MALRD1: variants seen among roughly 807,000 people sequenced by gnomAD.
MALRD1 encodes MAM and LDL receptor class A domain containing 1, also known as MAM and LDL-receptor class A domain-containing protein 1.
MALRD1 carries 247 observed loss-of-function variants against 242.1 expected under a neutral mutation model. That is an observed-to-expected ratio of 1.02 (90% CI 0.92 to 1.13). The LOEUF is 1.13. Among genes scored for constraint, MALRD1 ranks in the 50% most tolerant of loss-of-function variants. MALRD1 has a pLI of 0.00. For synonymous variants in MALRD1, 995 were observed against 866.6 expected (o/e 1.15, Z -2.60); for missense variants, 2,989 against 2,533.1 (o/e 1.18, Z -3.86).
intron 20 of MALRD1, 78 bp from the exon 21 acceptor site, chr10:19,282,941 A>C: frequency 9.9e-7 from 1 of 1,014,750 alleles, no homozygotes; most frequent in Non-Finnish European, 1.3e-6. Context: ...AACAAGAGTA[A>C]GAAAGTGCTG....
intron 28 of MALRD1, among the ~76,000 whole-genome samples, chr10:19,400,260 G>A (rs1846774429): frequency 6.6e-6 from 1 of 152,130 alleles, no homozygotes; most frequent in South Asian, 2.1e-4. Flanking sequence ...TCCTCATTCT[G>A]AAGTCGTCCT....
chr10:19,626,246 A>C (rs528909896), intron 36 of MALRD1, among the ~76,000 whole-genome samples: 1 of 151,932 alleles, frequency 6.6e-6, no homozygotes, highest in East Asian at 1.9e-4. Flanking sequence ...AAAAAATTTC[A>C]ATATTTTTTC....
intron 32 of MALRD1, among the ~76,000 whole-genome samples, chr10:19,562,704 C>T (rs2131445156): frequency 6.6e-6 from 1 of 152,244 alleles, no homozygotes; most frequent in South Asian, 2.1e-4. Flanking sequence ...CCAGTTTGCA[C>T]AGCAGAAGGT....
At chr10:19,710,029 G>A (rs1237964914) in intron 38 of MALRD1, among the ~76,000 whole-genome samples, 2 of 152,134 alleles carry the variant, frequency 1.3e-5, no homozygotes, top group African/African-American at 2.4e-5. Context: ...GAGCCCAGGA[G>A]TTGGAGACTA....
chr10:19,431,486 T>C (rs1589062436), intron 28 of MALRD1, among the ~76,000 whole-genome samples: 1 of 152,236 alleles, frequency 6.6e-6, no homozygotes, highest in Non-Finnish European at 1.5e-5. Context: ...GTATAGACTT[T>C]TATGAGTAGT....
At chr10:19,367,965 T>G (rs1845178571) in intron 26 of MALRD1, among the ~76,000 whole-genome samples, 1 of 152,064 alleles carries the variant, frequency 6.6e-6, no homozygotes, top group Non-Finnish European at 1.5e-5. Flanking sequence ...ATTATTATTA[T>G]TTTGCTGTTG....
chr10:19,704,568 T>C (rs535903647), intron 38 of MALRD1, among the ~76,000 whole-genome samples: 94 of 152,244 alleles, frequency 6.2e-4, no homozygotes, highest in African/African-American at 2.1e-3. Flanking sequence ...AATGTTCAGT[T>C]CATCACAGTA....
At chr10:19,166,818 A>C (rs922680952) in intron 13 of MALRD1, among the ~76,000 whole-genome samples, 5 of 152,140 alleles carry the variant, frequency 3.3e-5, no homozygotes, top group African/African-American at 1.2e-4. Flanking sequence ...GAAAAGAGCT[A>C]TTTTGGAAAC....
chr10:19,571,077 A>T (rs1836512058), intron 33 of MALRD1, among the ~76,000 whole-genome samples: 1 of 152,118 alleles, frequency 6.6e-6, no homozygotes, highest in Non-Finnish European at 1.5e-5. Flanking sequence ...TTTTTCCAAT[A>T]GTTATTCCTG....
intron 24 of MALRD1, among the ~76,000 whole-genome samples, chr10:19,335,590 A>C (rs1843570209): frequency 6.6e-6 from 1 of 152,138 alleles, no homozygotes; most frequent in Non-Finnish European, 1.5e-5. Flanking sequence ...TGATTTCAAA[A>C]GTTTGGCTGG....
chr10:19,380,775 C>A (rs1845801958), intron 26 of MALRD1, among the ~76,000 whole-genome samples: 2 of 152,080 alleles, frequency 1.3e-5, no homozygotes, highest in Admixed American at 6.6e-5. Flanking sequence ...AAAAATTTGG[C>A]ATTATTGTTG....
At chr10:19,406,312 G>A (rs187867404) in intron 28 of MALRD1, among the ~76,000 whole-genome samples, 1 of 152,308 alleles carries the variant, frequency 6.6e-6, no homozygotes, top group East Asian at 1.9e-4. Flanking sequence ...ATTAGTATCT[G>A]TATCATCTAA....
intron 38 of MALRD1, among the ~76,000 whole-genome samples, chr10:19,696,065 G>C (rs768074175): frequency 2.0e-4 from 31 of 152,260 alleles, no homozygotes; most frequent in Admixed American, 5.2e-4. Context: ...GGCAGGACTC[G>C]TGGCACTAAT....
intron 21 of MALRD1, among the ~76,000 whole-genome samples, chr10:19,283,560 C>A (rs1307261683): frequency 1.3e-5 from 2 of 152,090 alleles, no homozygotes; most frequent in Non-Finnish European, 2.9e-5. Flanking sequence ...CTTCTTCAGC[C>A]TCCCTTTTTT....
chr10:19,134,599 T>G (rs1833257693), intron 9 of MALRD1, among the ~76,000 whole-genome samples: 1 of 152,244 alleles, frequency 6.6e-6, no homozygotes, highest in Admixed American at 6.5e-5. Flanking sequence ...GTGTGGGTTA[T>G]GAAGGCAACT....
chr10:19,582,220 A>T (rs1017789728), intron 33 of MALRD1, among the ~76,000 whole-genome samples: 4 of 151,944 alleles, frequency 2.6e-5, no homozygotes, highest in Non-Finnish European at 5.9e-5. Context: ...GAAGCTCTTT[A>T]GTTTAATTAG....
At chr10:19,475,610 G>T (rs1836693780) in intron 29 of MALRD1, among the ~76,000 whole-genome samples, 1 of 152,126 alleles carries the variant, frequency 6.6e-6, no homozygotes, top group African/African-American at 2.4e-5. Flanking sequence ...AGATTAAATT[G>T]TTATACATTC....
chr10:19,393,751 G>C (rs184685996), intron 28 of MALRD1, among the ~76,000 whole-genome samples: 3 of 151,836 alleles, frequency 2.0e-5, no homozygotes, highest in Admixed American at 1.3e-4. Context: ...CACCGCGCCC[G>C]GCCCTGATGG....
intron 1 of MALRD1, among the ~76,000 whole-genome samples, chr10:19,053,258 T>A (rs34949183): frequency 0.09 from 13,677 of 152,290 alleles, 830 homozygotes; most frequent in East Asian, 0.21. Flanking sequence ...ATTGTTTTAC[T>A]TGCCTGTAAT....
Sources: allele counts gnomAD v4.1 joint callset (sites outside exome capture counted in the v4.1 genomes callset), GRCh38; gene constraint gnomAD v4.1.1; transcripts MANE v1.5; gene names NCBI Gene and HGNC (gene_info 2026-07-23, HGNC 2026-07-21).